Variants in MAML2 observed in about 807,000 individuals in gnomAD.
The protein encoded by MAML2 is mastermind like transcriptional coactivator 2, also known as mastermind-like protein 2.
A neutral mutation model predicts 96.1 loss-of-function variants in MAML2; 22 were observed. The observed-to-expected ratio is 0.23, with a 90% CI of 0.16 to 0.33. The LOEUF (loss-of-function observed/expected upper bound fraction) is 0.33. Ranked by LOEUF, MAML2 falls within the 10% of genes least tolerant of loss-of-function variation. MAML2 has a pLI of 1.00. For synonymous variants in MAML2, 561 were observed against 521.3 expected (o/e 1.08, Z -1.04); for missense variants, 1,367 against 1,392.4 (o/e 0.98, Z 0.29).
At chr11:96,001,893 C>T (rs935700617) in intron 2 of MAML2, among the ~76,000 whole-genome samples, 5 of 152,202 alleles carry the variant, frequency 3.3e-5, no homozygotes, top group African/African-American at 1.2e-4. Context: ...ATGCAGTTCT[C>T]CAAACCCACA....
intron 1 of MAML2, among the ~76,000 whole-genome samples, chr11:96,154,546 A>G (rs1320993646): frequency 6.6e-6 from 1 of 152,200 alleles, no homozygotes; most frequent in Non-Finnish European, 1.5e-5. Flanking sequence ...GTAAATGAAT[A>G]CTTAGAATAA....
At chr11:96,129,600 T>TTTTTG (rs1353540633) in intron 1 of MAML2, among the ~76,000 whole-genome samples, 44 of 152,190 alleles carry the variant, frequency 2.9e-4, no homozygotes, top group African/African-American at 4.1e-4. Flanking sequence ...TATGGGTAAT[T>TTTTTG]TTTTGTTTTG....
chr11:96,231,718 A>G (rs1862296529), intron 1 of MAML2, among the ~76,000 whole-genome samples: 1 of 152,230 alleles, frequency 6.6e-6, no homozygotes, highest in Non-Finnish European at 1.5e-5. Flanking sequence ...TCCTCCAAGT[A>G]AGCACTTTGC....
intron 1 of MAML2, among the ~76,000 whole-genome samples, chr11:96,256,939 CTTT>C (rs1317977070): frequency 1.3e-5 from 2 of 152,148 alleles, no homozygotes; most frequent in Non-Finnish European, 2.9e-5. Context: ...GAAATGAATA[CTTT>C]GGGTAGTAGC....
intron 2 of MAML2, among the ~76,000 whole-genome samples, chr11:96,059,310 A>C (rs1278427052): frequency 1.3e-5 from 2 of 152,234 alleles, no homozygotes; most frequent in African/African-American, 2.4e-5. Flanking sequence ...CTAGGTTATA[A>C]AATAAGAGCT....
At position 96,341,506 on chromosome 11, in the gene MAML2, A is replaced by ATAG. The variant is rs1218674142; in HGVS notation, c.387_389dup (p.Tyr130dup). ...GCAGGTGCTGCTGGTGGTGATGGTG[A>ATAG]TAGTCTGGTGGGGGCGGTGGGGCTG... On this transcript the variant is annotated inframe_insertion, in exon 1 of 5. Transcript: ENST00000524717. 6 of 1,549,848 alleles carry ATAG rather than the reference A, an allele frequency of 3.9e-6. No individual in the cohort carries two copies. Among genetic ancestry groups the ATAG allele is most frequent in the Non-Finnish European group, 4.4e-6 (5 of 1,146,440 alleles).
intron 1 of MAML2, among the ~76,000 whole-genome samples, chr11:96,247,028 A>C (rs1034485828): frequency 6.6e-6 from 1 of 152,080 alleles, no homozygotes; most frequent in African/African-American, 2.4e-5. Flanking sequence ...ATTGCGTGTG[A>C]TCCTCCTTAC....
intron 1 of MAML2, among the ~76,000 whole-genome samples, chr11:96,163,339 A>G (rs929762222): frequency 6.6e-6 from 1 of 152,190 alleles, no homozygotes; most frequent in Non-Finnish European, 1.5e-5. Context: ...TTCCAGTTCT[A>G]TCAACTCTTC....
intron 1 of MAML2, among the ~76,000 whole-genome samples, chr11:96,184,436 T>C (rs922437608): frequency 1.7e-5 from 2 of 120,540 alleles, no homozygotes; most frequent in Non-Finnish European, 3.4e-5. Flanking sequence ...CGAGACTCCA[T>C]CTCAAATAAA....
At position 96,057,824 on chromosome 11, in the gene MAML2, C is replaced by A. The variant is rs191024436; in HGVS notation, c.2139+34068G>T. On this transcript the variant is annotated intron_variant, in intron 2 of 4. Transcript: ENST00000524717. ...CAAAATATACCAAACACAATTTAATCTTTTTCATTTTACACAACTGAGAGT... is the reference window on the plus strand; with the variant it reads ...CAAAATATACCAAACACAATTTAATATTTTTCATTTTACACAACTGAGAGT... Among the ~76,000 whole-genome samples the A allele has an allele frequency of 1.8e-3, 280 of 152,300 alleles. 1 individual carries two copies. The highest frequency in any genetic ancestry group is 3.4e-3 in the Middle Eastern group (1 of 294).
At chr11:96,289,182 G>A (rs1289137835) in intron 1 of MAML2, among the ~76,000 whole-genome samples, 2 of 152,144 alleles carry the variant, frequency 1.3e-5, no homozygotes, top group African/African-American at 2.4e-5. Context: ...CTAAAAATAC[G>A]ACTGGGAAAA....
At position 95,979,932 on chromosome 11, in the gene MAML2, G is replaced by A. The variant is rs1233396333; in HGVS notation, c.2487C>T (p.Asn829=). The A allele has an allele frequency of 3.1e-6, 5 of 1,613,604 alleles. No homozygotes were observed. Among genetic ancestry groups the A allele is most frequent in the East Asian group, 2.2e-5 (1 of 44,882 alleles). ...TTGAAACTGGGTTTGCCAAAGCCTG[G>A]TTAGAGTTTAAGCTTATTGTGGATG... The part of the protein sequence containing the change: ...GGSSTISLNS[N]QALANPVSTH... Residue 829 remains asparagine (N), a synonymous_variant, in exon 5 of 5, where the codon AAC becomes AAT. Coordinates refer to ENST00000524717, the MANE Select transcript of MAML2 (RefSeq NM_032427.4).
At chr11:96,309,144 G>C (rs1041393945) in intron 1 of MAML2, among the ~76,000 whole-genome samples, 1 of 152,160 alleles carries the variant, frequency 6.6e-6, no homozygotes, top group Admixed American at 6.5e-5. Flanking sequence ...GAATGTTTTT[G>C]GGTTTTTGGA....
At chr11:96,116,019 CT>C (rs1451885453) in intron 1 of MAML2, among the ~76,000 whole-genome samples, 3 of 152,150 alleles carry the variant, frequency 2.0e-5, no homozygotes, top group African/African-American at 4.8e-5. Flanking sequence ...AGCTGGTAAA[CT>C]TTTTTTTCCC....
Position 96,035,671 on chromosome 11 carries a change from CT to C in MAML2, c.2140-43949del, listed in dbSNP as rs1367131900. On this transcript the variant is annotated intron_variant, in intron 2 of 4. Transcript: ENST00000524717. ...AGAGACAGGGAAGATTACTGCTGTG[CT>C]TTCCCATTTTTTGGTATTCTCCCAA... 4.6e-5 allele frequency among the ~76,000 whole-genome samples: 7 copies of C among 152,340 alleles called. No homozygotes were observed. In the South Asian group the frequency reaches 1.4e-3, roughly 32 times the overall value.
chr11:96,077,532 T>C (rs889772119), intron 2 of MAML2, among the ~76,000 whole-genome samples: 6 of 152,316 alleles, frequency 3.9e-5, no homozygotes, highest in African/African-American at 1.4e-4. Context: ...ACCCCATCTT[T>C]TTTACTCTCT....
chr11:96,237,008 A>G (rs1862375182), intron 1 of MAML2, among the ~76,000 whole-genome samples: 1 of 152,226 alleles, frequency 6.6e-6, no homozygotes, highest in African/African-American at 2.4e-5. Context: ...AAACCTCTGA[A>G]CTGGATGCTA....
At chr11:96,053,363 C>A (rs1859016292) in intron 2 of MAML2, among the ~76,000 whole-genome samples, 1 of 152,106 alleles carries the variant, frequency 6.6e-6, no homozygotes, top group South Asian at 2.1e-4. Flanking sequence ...GAAATGGAAG[C>A]AATATAAATA....
intron 1 of MAML2, among the ~76,000 whole-genome samples, chr11:96,101,596 GGACAATA>G (rs1206587997): frequency 2.0e-5 from 3 of 152,150 alleles, no homozygotes; most frequent in African/African-American, 7.2e-5. Context: ...TGTATGATAT[GGACAATA>G]ATACCCCATG....
Sources: gnomAD v4.1 joint callset for allele counts (sites outside exome capture counted in the v4.1 genomes callset) on GRCh38, gnomAD v4.1.1 for gene constraint, MANE v1.5 for transcripts, NCBI Gene and HGNC (gene_info 2026-07-23, HGNC 2026-07-21) for gene names.